Variants in TUFM observed in about 807,000 individuals in gnomAD.
TUFM encodes elongation factor Tu, mitochondrial.
A neutral mutation model predicts 45.0 loss-of-function variants in TUFM; 23 were observed. The ratio of observed to expected loss-of-function variants is 0.51; its 90% CI spans 0.37 to 0.72. The LOEUF is 0.72. Ranked by LOEUF, TUFM falls within the 30% of genes least tolerant of loss-of-function variation. TUFM has a pLI of 0.00. For synonymous variants in TUFM, 243 were observed against 252.9 expected (o/e 0.96, Z 0.37); for missense variants, 490 against 610.7 (o/e 0.80, Z 2.08).
rs1331768853 is a variant in TUFM, at chr16:28,842,732, C to G, written c.*243G>C. ...TCCCCATCTGTCTGGGGTTCAACAC[C>G]CTTTTTGTCCTCCCCTATCCTCTCC... On this transcript the variant is annotated 3_prime_UTR_variant, in exon 10 of 10. Coordinates refer to ENST00000313511, the MANE Select transcript of TUFM (RefSeq NM_003321.5). The G allele has an allele frequency of 2.0e-5, 11 of 560,628 alleles. No homozygotes were observed. Among genetic ancestry groups the G allele is most frequent in the Non-Finnish European group, 3.2e-5 (10 of 311,200 alleles). The allele number at this position is 560,628 out of a possible 1,614,324, so 34.7% of individuals were successfully genotyped here.
At position 28,846,032 on chromosome 16, in the gene TUFM, A is replaced by T. The variant is rs1379343629; in HGVS notation, c.127T>A (p.Cys43Ser). The change falls in exon 2 of 10, where the codon TGC becomes AGC. Residue 43 changes from cysteine (C) to serine (S), a missense_variant. Transcript: ENST00000313511. ...LLKAPALPLLCRGLAVEAKKT... is the reference protein window; with the variant it reads ...LLKAPALPLLSRGLAVEAKKT... ...TTGGCCTCCACGGCCAGGCCGCGGC[A>T]CAAGAGAGGCAATGCCGGGGCTTTC... 1 of 1,613,770 alleles carries T rather than the reference A, an allele frequency of 6.2e-7. No individual in the cohort carries two copies. The highest frequency in any genetic ancestry group is 2.2e-5 in the East Asian group (1 of 44,872).
chr16:28,845,282 G>A lies in TUFM; in HGVS notation c.414+32C>T, dbSNP rs1163371986. On this transcript the variant is annotated intron_variant, in intron 3 of 9. Transcript: ENST00000313511. ...TTTATCCTGACAAGAGGCAGCTTCT[G>A]GCCCTGTCTCCAGTGTCCCAGCAAC... 7 of 1,613,668 alleles carry A rather than the reference G, an allele frequency of 4.3e-6. No individual in the cohort carries two copies. The Admixed American group carries it at 1.2e-4, about 27-fold the overall frequency.
At position 28,844,819 on chromosome 16, in the gene TUFM, G is replaced by A; in HGVS notation, c.563C>T (p.Ala188Val). Residue 188 changes from alanine to valine, a missense_variant, in exon 5 of 10, where the codon GCT (alanine) becomes GTT (valine). Physicochemically the swap from Ala to Val is moderately conservative, Grantham distance 64. Coordinates refer to ENST00000313511, the MANE Select transcript of TUFM (RefSeq NM_003321.5). The surrounding 1 kb of genome is among the most constrained non-coding windows in gnomAD (Gnocchi z 5.8). Reference sequence around the variant, plus strand: ...TTCCACCATCTCAGAGTCCTGGACAGCGTCAGCCTTGTTCACATACACCAC... The same window carrying A: ...TTCCACCATCTCAGAGTCCTGGACAACGTCAGCCTTGTTCACATACACCAC... ...HVVVYVNKAD[A>V]VQDSEMVELV... 2 of 1,614,202 alleles carry A rather than the reference G, an allele frequency of 1.2e-6. No individual in the cohort carries two copies. The highest frequency in any genetic ancestry group is 1.7e-6 in the Non-Finnish European group (2 of 1,180,044).
chr16:28,844,941 C>A lies in TUFM; in HGVS notation c.519+10G>T, dbSNP rs1208021742. ...CTTCCCTTTTGCATCCTTACCCAGG[C>A]TCTGAGTACCTGTCTGGCCAGTAAT... On this transcript the variant is annotated intron_variant, in intron 4 of 9. Coordinates refer to ENST00000313511, the MANE Select transcript of TUFM (RefSeq NM_003321.5). This position sits in a 1 kb window ranked among gnomAD's most constrained non-coding sequence, Gnocchi z 5.8. 2 of 1,614,054 alleles carry A rather than the reference C, an allele frequency of 1.2e-6. No individual in the cohort carries two copies. Among genetic ancestry groups the A allele is most frequent in the East Asian group, 2.2e-5 (1 of 44,890 alleles).
At position 28,844,067 on chromosome 16, in the gene TUFM, G is replaced by A. The variant is rs778365709; in HGVS notation, c.957C>T (p.Ala319=). The A allele has an allele frequency of 5.6e-6, 9 of 1,614,180 alleles. No individual in the cohort carries two copies. Among genetic ancestry groups the A allele is most frequent in the East Asian group, 2.2e-5 (1 of 44,886 alleles). Residue 319 remains alanine, a synonymous_variant, in exon 8 of 10, where the codon GCC becomes GCT. Transcript: ENST00000313511. The surrounding 1 kb of genome is among the most constrained non-coding windows in gnomAD (Gnocchi z 5.8). ...IEMFHKSLER[A]EAGDNLGALV... is the part of the protein sequence containing the mutation. ...GGGCCCCGAGGTTATCTCCGGCCTC[G>A]GCCCTCTCCAGGCTCTTGTGGAACA...
At chr16:28,845,555 C>T in intron 2 of TUFM, 75 bp from the exon 3 acceptor site, 2 of 1,558,680 alleles carry the variant, frequency 1.3e-6, no homozygotes, top group Non-Finnish European at 1.8e-6. Flanking sequence ...CGCCCCTGAA[C>T]CCTCCCACCT....
chr16:28,845,049 T>C lies in TUFM; in HGVS notation c.421A>G (p.Ile141Val). 1 of 1,614,060 alleles carries C rather than the reference T, an allele frequency of 6.2e-7. No individual in the cohort carries two copies. Among genetic ancestry groups the C allele is most frequent in the Non-Finnish European group, 8.5e-7 (1 of 1,180,020 alleles). Residue 141 changes from isoleucine (I) to valine (V), a missense_variant, in exon 4 of 10, where the codon ATC becomes GTC. By Grantham distance (29) the Ile-to-Val change is conservative. Coordinates refer to ENST00000313511, the MANE Select transcript of TUFM (RefSeq NM_003321.5). Reference protein sequence around the residue: ...PGHADYVKNMITGTAPLDGCI... With the variant: ...PGHADYVKNMVTGTAPLDGCI... ...CCGTCGAGGGGTGCAGTGCCTGTGATCATATTCTGGAGAGGAGAAGGAAAG... is the reference window on the plus strand; with the variant it reads ...CCGTCGAGGGGTGCAGTGCCTGTGACCATATTCTGGAGAGGAGAAGGAAAG...
Position 28,844,725 on chromosome 16 carries a change from G to A in TUFM, c.657C>T (p.Ile219=), listed in dbSNP as rs780000287. Residue 219 remains isoleucine (I), a synonymous_variant, in exon 5 of 10, where the codon ATC becomes ATT. Coordinates refer to ENST00000313511, the MANE Select transcript of TUFM (RefSeq NM_003321.5). The surrounding 1 kb of genome is among the most constrained non-coding windows in gnomAD (Gnocchi z 5.8). ...FGYKGEETPV[I]VGSALCALEG... is the part of the protein sequence containing the mutation. Reference sequence around the variant, plus strand: ...CAAGGGCACAGAGAGCAGAGCCTACGATGACTGGGGTCTCCTCCCCTTTAT... The same window carrying A: ...CAAGGGCACAGAGAGCAGAGCCTACAATGACTGGGGTCTCCTCCCCTTTAT... The A allele has an allele frequency of 8.1e-6, 13 of 1,614,048 alleles. No individual in the cohort carries two copies. Among genetic ancestry groups the A allele is most frequent in the East Asian group, 2.2e-5 (1 of 44,902 alleles).
intron 2 of TUFM, 110 bp from the exon 3 acceptor site, chr16:28,845,590 T>C (rs1961925353): frequency 7.6e-7 from 1 of 1,313,864 alleles, no homozygotes; most frequent in African/African-American, 1.5e-5. Context: ...CTCCAATCTC[T>C]AACTCTTCCA....
chr16:28,845,230 C>G, intron 3 of TUFM, 84 bp downstream of exon 3: 1 of 1,608,604 alleles, frequency 6.2e-7, no homozygotes, highest in Non-Finnish European at 8.5e-7. Flanking sequence ...CACTGAATAT[C>G]TTAATCTCCT....
rs900139592 is a variant in TUFM, at chr16:28,842,669, T to C, written c.*306A>G. 7.0e-6 allele frequency: 3 copies of C among 431,246 alleles called. No individual in the cohort carries two copies. Among genetic ancestry groups the C allele is most frequent in the African/African-American group, 4.0e-5 (2 of 49,674 alleles). 26.7% of individuals were successfully genotyped at this position (431,246 alleles called of 1,614,324 possible). A position where few individuals can be genotyped will look rare whatever the true frequency, so the allele number is the denominator to read the frequency against. ...AGGCAATCACTAAGCTCACTGGACT[T>C]GATTTATCCGTTAAAACTGCTCTGG... On this transcript the variant is annotated 3_prime_UTR_variant, in exon 10 of 10. Coordinates refer to ENST00000313511, the MANE Select transcript of TUFM (RefSeq NM_003321.5).
At position 28,846,024 on chromosome 16, in the gene TUFM, G is replaced by T; in HGVS notation, c.135C>A (p.Gly45=). The change falls in exon 2 of 10, where the codon GGC becomes GGA. Residue 45 remains glycine, a synonymous_variant. Transcript: ENST00000313511. ...KAPALPLLCR[G]LAVEAKKTYV... ...AAGTCTTCTTGGCCTCCACGGCCAG[G>T]CCGCGGCACAAGAGAGGCAATGCCG... 1.9e-6 allele frequency: 3 copies of T among 1,613,804 alleles called. No individual in the cohort carries two copies. Among genetic ancestry groups the T allele is most frequent in the Non-Finnish European group, 2.5e-6 (3 of 1,179,988 alleles).
In TUFM at chr16:28,843,976, T is replaced by G; in HGVS notation, c.1048A>C (p.Lys350Gln). 6.2e-7 allele frequency: 1 copy of G among 1,614,098 alleles called. No individual in the cohort carries two copies. The highest frequency in any genetic ancestry group is 8.5e-7 in the Non-Finnish European group (1 of 1,179,998). The stretch of plus-strand genomic sequence containing the variant: ...TGGGCCTCCACCTTCTGGTGGGGCT[T>G]GATGGAACCTGGCTTGACCATGACC... ...GLVMVKPGSIKPHQKVEAQVY... is the reference protein window; with the variant it reads ...GLVMVKPGSIQPHQKVEAQVY... The change falls in exon 8 of 10, where the codon AAG (lysine) becomes CAG (glutamine). Residue 350 changes from lysine (K) to glutamine (Q), a missense_variant. Coordinates refer to ENST00000313511, the MANE Select transcript of TUFM (RefSeq NM_003321.5).
At position 28,846,322 on chromosome 16, in the gene TUFM, G is replaced by A. The variant is rs1293344151; in HGVS notation, c.-53C>T. The A allele has an allele frequency of 8.5e-6, 13 of 1,534,014 alleles. No individual in the cohort carries two copies. The highest frequency in any genetic ancestry group is 4.1e-5 in the African/African-American group (3 of 72,404). The stretch of plus-strand genomic sequence containing the variant: ...GGACCAGGAGCCCGAGCGCACAGAA[G>A]AAGAAGGGCGCCTGCGGCTGGAAGG... On this transcript the variant is annotated 5_prime_UTR_variant, in exon 1 of 10. Coordinates refer to ENST00000313511, the MANE Select transcript of TUFM (RefSeq NM_003321.5).
chr16:28,846,258 C>A lies in TUFM; in HGVS notation c.12G>T (p.Met4Ile), dbSNP rs766371467. 5.5e-5 allele frequency: 86 copies of A among 1,563,308 alleles called. No individual in the cohort carries two copies. The highest frequency in any genetic ancestry group is 7.3e-5 in the Non-Finnish European group (84 of 1,154,056). Residue 4 changes from methionine (M) to isoleucine (I), a missense_variant, in exon 1 of 10, where the codon ATG (methionine) becomes ATT (isoleucine). Transcript: ENST00000313511. MTT[M>I]AAATLLRATP... is the part of the protein sequence containing the mutation. ...TCGCGCGCAGCAGGGTGGCGGCCGC[C>A]ATTGTGGTCATACTCGCGCCCCGGT...
rs751986273 is a variant in TUFM at position 28,845,980 on chromosome 16, T to C, written c.179A>G (p.His60Arg). The change falls in exon 2 of 10, where the codon CAT (histidine) becomes CGT (arginine). Residue 60 changes from histidine to arginine, a missense_variant. Coordinates refer to ENST00000313511, the MANE Select transcript of TUFM (RefSeq NM_003321.5). ...ATGGCCGATGGTACCCACATTCACATGTGGCTTGTCGCGCACGTAAGTCTT... is the reference window on the plus strand; with the variant it reads ...ATGGCCGATGGTACCCACATTCACACGTGGCTTGTCGCGCACGTAAGTCTT... ...AKKTYVRDKP[H>R]VNVGTIGHVD... 1 of 1,614,128 alleles carries C rather than the reference T, an allele frequency of 6.2e-7. No individual in the cohort carries two copies. The highest frequency in any genetic ancestry group is 8.5e-7 in the Non-Finnish European group (1 of 1,180,036).
In TUFM at chr16:28,844,141, GA is replaced by G; in HGVS notation, c.923-41del. 1 of 1,614,002 alleles carries G rather than the reference GA, an allele frequency of 6.2e-7. No individual in the cohort carries two copies. The highest frequency in any genetic ancestry group is 8.5e-7 in the Non-Finnish European group (1 of 1,179,848). On this transcript the variant is annotated intron_variant, in intron 7 of 9. Transcript: ENST00000313511. This position sits in a 1 kb window ranked among gnomAD's most constrained non-coding sequence, Gnocchi z 5.8. ...GAAAAGGAGCAGGGAGAAGGAAGGC[GA>G]ATGTGAGACAGAGGGAAGGCACAAG...
At position 28,844,234 on chromosome 16, in the gene TUFM, C is replaced by T; in HGVS notation, c.918G>A (p.Val306=). 6.2e-7 allele frequency: 1 copy of T among 1,614,134 alleles called. No individual in the cohort carries two copies. Among genetic ancestry groups the T allele is most frequent in the South Asian group, 1.1e-5 (1 of 91,074 alleles). Reference sequence around the variant, plus strand: ...CTCCAGACTGGCTTCCCAAACCTGTCACCACAGTGCGGATGTTCTTGCTAT... The same window carrying T: ...CTCCAGACTGGCTTCCCAAACCTGTTACCACAGTGCGGATGTTCTTGCTAT... The part of the protein sequence containing the change: ...LGHSKNIRTV[V]TGIEMFHKSL... Residue 306 remains valine, a synonymous_variant, in exon 7 of 10, where the codon GTG becomes GTA. Transcript: ENST00000313511. The surrounding 1 kb of genome is among the most constrained non-coding windows in gnomAD (Gnocchi z 5.8).
chr16:28,843,863 A>G lies in TUFM; in HGVS notation c.1075-8T>C, dbSNP rs746145994. ...CTTGCTGAGGATGTAAACCTGGAGGAGAGCAAGCAATGACGGTGAGCTGGG... is the reference window on the plus strand; with the variant it reads ...CTTGCTGAGGATGTAAACCTGGAGGGGAGCAAGCAATGACGGTGAGCTGGG... On this transcript the variant is annotated splice_region_variant and splice_polypyrimidine_tract_variant and intron_variant, in intron 8 of 9. Coordinates refer to ENST00000313511, the MANE Select transcript of TUFM (RefSeq NM_003321.5). The G allele has an allele frequency of 1.9e-6, 3 of 1,614,088 alleles. No homozygotes were observed. The highest frequency in any genetic ancestry group is 2.5e-6 in the Non-Finnish European group (3 of 1,179,994).
Sources: gnomAD v4.1 joint callset for allele counts on GRCh38, gnomAD v4.1.1 for gene constraint, Gnocchi (gnomAD v3.1) non-coding constraint, MANE v1.5 for transcripts, NCBI Gene and HGNC (gene_info 2026-07-23, HGNC 2026-07-21) for gene names.